MSRA: variants seen among roughly 807,000 people sequenced by gnomAD.
MSRA encodes methionine sulfoxide reductase A.
A neutral mutation model predicts 31.3 loss-of-function variants in MSRA; 54 were observed. That is an observed-to-expected ratio of 1.73 (90% CI 1.39 to 2.17). The LOEUF (loss-of-function observed/expected upper bound fraction) is 2.17, where lower values mean the gene tolerates loss of function less well. MSRA is among the 30% of genes most tolerant of loss of function. MSRA has a pLI of 0.00. For missense variants in MSRA, 507 were observed against 300.9 expected (o/e 1.69, Z -5.07); for synonymous variants, 169 against 116.5 (o/e 1.45, Z -2.90).
chr8:10,401,525 G>A (rs998581879), intron 5 of MSRA, among the ~76,000 whole-genome samples: 2 of 152,166 alleles, frequency 1.3e-5, no homozygotes, highest in Admixed American at 6.5e-5. Flanking sequence ...GGAGTTAAAC[G>A]TAGAATTGCT....
intron 2 of MSRA, among the ~76,000 whole-genome samples, chr8:10,219,422 A>ACATCT (rs1810285529): frequency 6.6e-6 from 1 of 152,160 alleles, no homozygotes; most frequent in African/African-American, 2.4e-5. Context: ...AATCTCATAC[A>ACATCT]CATCTCGTGT....
chr8:10,082,164 C>T (rs1275051938), intron 1 of MSRA, among the ~76,000 whole-genome samples: 3 of 152,040 alleles, frequency 2.0e-5, no homozygotes, highest in African/African-American at 2.4e-5. Flanking sequence ...GTGATGGTGC[C>T]ACTATACTCC....
chr8:10,428,786 C>G lies in MSRA; in HGVS notation c.*474C>G, dbSNP rs1363211710. The G allele has an allele frequency of 5.8e-6, 1 of 171,810 alleles. No individual in the cohort carries two copies. Among genetic ancestry groups the G allele is most frequent in the Non-Finnish European group, 1.2e-5 (1 of 82,526 alleles). 10.6% of individuals were successfully genotyped at this position (171,810 alleles called of 1,614,324 possible). A position where few individuals can be genotyped will look rare whatever the true frequency, so the allele number is the denominator to read the frequency against. On this transcript the variant is annotated 3_prime_UTR_variant, in exon 6 of 6. Coordinates refer to ENST00000317173, the MANE Select transcript of MSRA (RefSeq NM_012331.5). The stretch of plus-strand genomic sequence containing the variant: ...GGGCTTTCTCTCCCTTTTCAGCCCT[C>G]TCTGTGCAGAGAAAAGATGTGAGTC...
chr8:10,066,741 G>T (rs888292589), intron 1 of MSRA, among the ~76,000 whole-genome samples: 1 of 151,958 alleles, frequency 6.6e-6, no homozygotes, highest in African/African-American at 2.4e-5. Context: ...TACCATGTTG[G>T]CCGGGCTGGT....
At position 10,263,650 on chromosome 8, in the gene MSRA, C is replaced by T. The variant is rs146350175; in HGVS notation, c.331+18427C>T. On this transcript the variant is annotated intron_variant, in intron 3 of 5. Transcript: ENST00000317173. ...AACTGGCCCTGGCTTCATGGCTGGC[C>T]CCTTGAGGCTTCGTGCTGGACTCAA... Among the ~76,000 whole-genome samples, 1,070 of 152,186 alleles carry T rather than the reference C, an allele frequency of 7.0e-3. 15 individuals are homozygous for T. The highest frequency in any genetic ancestry group is 0.038 in the East Asian group (194 of 5,170).
chr8:10,055,392 C>A (rs1802293211), intron 1 of MSRA, among the ~76,000 whole-genome samples: 1 of 152,224 alleles, frequency 6.6e-6, no homozygotes, highest in Non-Finnish European at 1.5e-5. Flanking sequence ...TAAAAGTTTT[C>A]AAAATCTTGG....
Position 10,375,284 on chromosome 8 carries a change from C to A in MSRA, c.544-52864C>A, listed in dbSNP as rs538393008. Among the ~76,000 whole-genome samples, 252 of 152,288 alleles carry A rather than the reference C, an allele frequency of 1.7e-3. 1 individual carries two copies. The highest frequency in any genetic ancestry group is 5.8e-3 in the African/African-American group (242 of 41,566). On this transcript the variant is annotated intron_variant, in intron 5 of 5. Coordinates refer to ENST00000317173, the MANE Select transcript of MSRA (RefSeq NM_012331.5). Reference sequence around the variant, plus strand: ...TGGCGTCTGCTGGGTAGCAGTCTGACTGATTATCAGGCTTAGCCTGATCAG... The same window carrying A: ...TGGCGTCTGCTGGGTAGCAGTCTGAATGATTATCAGGCTTAGCCTGATCAG...
chr8:10,290,957 T>C (rs1800200444), intron 3 of MSRA, among the ~76,000 whole-genome samples: 1 of 152,148 alleles, frequency 6.6e-6, no homozygotes, highest in African/African-American at 2.4e-5. Flanking sequence ...CACAGGTCCT[T>C]TTGTACCCTT....
At position 10,098,879 on chromosome 8, in the gene MSRA, A is replaced by G. The variant is rs76883965; in HGVS notation, c.142+44221A>G. Among the ~76,000 whole-genome samples, 10 of 152,338 alleles carry G rather than the reference A, an allele frequency of 6.6e-5. No individual in the cohort carries two copies. In the East Asian group the frequency reaches 1.9e-3, roughly 29 times the overall value. On this transcript the variant is annotated intron_variant, in intron 1 of 5. Transcript: ENST00000317173. ...CATATGTCAAAGCAGGTGTAATTGA[A>G]CCTTCGAAGACGTGGCTGCAACGTA...
At chr8:10,316,890 T>A (rs1310288514) in intron 4 of MSRA, among the ~76,000 whole-genome samples, 2 of 152,090 alleles carry the variant, frequency 1.3e-5, no homozygotes, top group African/African-American at 4.8e-5. Context: ...GACCCTACTT[T>A]CCAGCAGAAG....
chr8:10,302,948 G>C (rs1800927191), intron 4 of MSRA, among the ~76,000 whole-genome samples: 1 of 152,212 alleles, frequency 6.6e-6, no homozygotes, highest in South Asian at 2.1e-4. Context: ...AGGCAGGTCT[G>C]TGGGCCTAGA....
chr8:10,215,676 A>G (rs1809927393), intron 2 of MSRA, among the ~76,000 whole-genome samples: 4 of 152,048 alleles, frequency 2.6e-5, no homozygotes, highest in Admixed American at 6.6e-5. Flanking sequence ...TATCAGGCTC[A>G]CTCTCACCAT....
At chr8:10,143,906 C>G (rs943976909) in intron 1 of MSRA, among the ~76,000 whole-genome samples, 5 of 152,178 alleles carry the variant, frequency 3.3e-5, no homozygotes, top group African/African-American at 9.6e-5. Context: ...TTTGTAGATT[C>G]TTGTCTGCTG....
chr8:10,193,225 C>T (rs373403220), intron 1 of MSRA, among the ~76,000 whole-genome samples: 10 of 152,194 alleles, frequency 6.6e-5, no homozygotes, highest in African/African-American at 2.4e-4. Flanking sequence ...CTTCCAAAAA[C>T]ATCTGATCAG....
intron 3 of MSRA, among the ~76,000 whole-genome samples, chr8:10,266,970 C>A (rs1798779270): frequency 6.6e-6 from 1 of 152,156 alleles, no homozygotes; most frequent in South Asian, 2.1e-4. Context: ...ATAATAAGGT[C>A]ATTAAGGGCA....
At chr8:10,110,067 T>G (rs954214723) in intron 1 of MSRA, among the ~76,000 whole-genome samples, 2 of 152,184 alleles carry the variant, frequency 1.3e-5, no homozygotes, top group Non-Finnish European at 2.9e-5. Flanking sequence ...CCACTCTGAT[T>G]GCAGCCACAG....
chr8:10,354,955 C>T (rs1167071417), intron 5 of MSRA, among the ~76,000 whole-genome samples: 1 of 152,058 alleles, frequency 6.6e-6, no homozygotes, highest in African/African-American at 2.4e-5. Flanking sequence ...TTCTTGCATC[C>T]ATGGTTAGTT....
intron 5 of MSRA, chr8:10,336,922 C>T (rs904572981): frequency 2.0e-5 from 3 of 152,184 alleles, no homozygotes; most frequent in Admixed American, 2.0e-4. Context: ...AAATTCTAAT[C>T]CAGCGAATTG....
chr8:10,095,599 G>C (rs1799097817), intron 1 of MSRA: 1 of 986,812 alleles, frequency 1.0e-6, no homozygotes, highest in Non-Finnish European at 1.2e-6. Context: ...GGAGAGCTGA[G>C]GAAAGAAAAA....
Sources: gnomAD v4.1 joint callset for allele counts (sites outside exome capture counted in the v4.1 genomes callset) on GRCh38, gnomAD v4.1.1 for gene constraint, MANE v1.5 for transcripts, NCBI Gene and HGNC (gene_info 2026-07-23, HGNC 2026-07-21) for gene names.